Variants in ANK3 observed in about 807,000 individuals in gnomAD.
The protein encoded by ANK3 is ankyrin-3.
In ANK3, 57 loss-of-function variants were observed where a neutral mutation model predicts 370.9. The ratio of observed to expected loss-of-function variants is 0.15; its 90% CI spans 0.12 to 0.19. The LOEUF (loss-of-function observed/expected upper bound fraction) is 0.19. Among genes scored for constraint, ANK3 ranks in the 10% least tolerant of loss-of-function variants. The pLI is 1.00. For synonymous variants in ANK3, 1,929 were observed against 1,946.3 expected, an observed-to-expected ratio of 0.99 and a Z score of 0.23; for missense variants, 4,439 against 5,302.1, an observed-to-expected ratio of 0.84 and a Z score of 5.06.
At chr10:60,568,714 G>A (rs2077520122) in intron 2 of ANK3, among the ~76,000 whole-genome samples, 1 of 152,074 alleles carries the variant, frequency 6.6e-6, no homozygotes, top group South Asian at 2.1e-4. Flanking sequence ...TGCTGCTATG[G>A]ACAAAATTGT....
At chr10:60,670,334 C>T (rs1175197336) in intron 1 of ANK3, among the ~76,000 whole-genome samples, 1 of 152,070 alleles carries the variant, frequency 6.6e-6, no homozygotes, top group Non-Finnish European at 1.5e-5. Flanking sequence ...CCATAAATTG[C>T]ACCACCACCC....
intron 1 of ANK3, among the ~76,000 whole-genome samples, chr10:60,323,839 T>A (rs1361279217): frequency 6.6e-6 from 1 of 151,442 alleles, no homozygotes; most frequent in African/African-American, 2.4e-5. Context: ...GAGGGGGAGG[T>A]GGTCAAATGT....
rs139431826 is a variant in ANK3 at position 60,142,250 on chromosome 10, C to T, written c.2615-3163G>A. On this transcript the variant is annotated intron_variant, in intron 23 of 43. Transcript: ENST00000280772. ...AAACTCTTTAGACTTTGAGCCTTTACTAGGGTGTATTCTCTTGATGGAAAC... is the reference window on the plus strand; with the variant it reads ...AAACTCTTTAGACTTTGAGCCTTTATTAGGGTGTATTCTCTTGATGGAAAC... Among the ~76,000 whole-genome samples, 9 of 152,242 alleles carry T rather than the reference C, an allele frequency of 5.9e-5. No individual in the cohort carries two copies. In the East Asian group the frequency reaches 1.7e-3, roughly 29 times the overall value.
chr10:60,726,049 G>T (rs763542901), intron 1 of ANK3, among the ~76,000 whole-genome samples: 5 of 152,068 alleles, frequency 3.3e-5, no homozygotes, highest in African/African-American at 4.8e-5. Flanking sequence ...CTTGAATTTT[G>T]TAATTACTTC....
chr10:60,053,746 A>G, intron 42 of ANK3: 2 of 1,303,744 alleles, frequency 1.5e-6, no homozygotes, highest in Non-Finnish European at 2.0e-6. Context: ...TTAGGGGATA[A>G]AAAGGGGGCT....
chr10:60,088,433 C>CTT, intron 28 of ANK3, 75 bp from the exon 29 acceptor site: 1 of 1,324,660 alleles, frequency 7.5e-7, no homozygotes, highest in Admixed American at 2.0e-5. Flanking sequence ...AATGATATAT[C>CTT]TTTTTTTTTG....
At chr10:60,629,181 A>G (rs937001093) in intron 1 of ANK3, among the ~76,000 whole-genome samples, 1 of 152,152 alleles carries the variant, frequency 6.6e-6, no homozygotes, top group Non-Finnish European at 1.5e-5. Context: ...TAAGGAGACC[A>G]TTAAAACAAA....
chr10:60,316,117 G>A (rs530351902), intron 1 of ANK3, among the ~76,000 whole-genome samples: 2 of 152,236 alleles, frequency 1.3e-5, no homozygotes, highest in African/African-American at 2.4e-5. Flanking sequence ...GAGAGACAGG[G>A]AGGACTTGAG....
chr10:60,446,455 A>C (rs897936592), intron 2 of ANK3, among the ~76,000 whole-genome samples: 1 of 152,144 alleles, frequency 6.6e-6, no homozygotes, highest in Non-Finnish European at 1.5e-5. Flanking sequence ...TTATTCCTAC[A>C]GTCAGCATGA....
At chr10:60,299,964 T>C (rs973321712) in intron 1 of ANK3, among the ~76,000 whole-genome samples, 18 of 152,214 alleles carry the variant, frequency 1.2e-4, no homozygotes, top group South Asian at 2.1e-4. Context: ...GGATTTCTCT[T>C]GAAAAAAGTG....
At chr10:60,034,106 GTT>G (rs61678524) in intron 43 of ANK3, among the ~76,000 whole-genome samples, 2 of 115,884 alleles carry the variant, frequency 1.7e-5, no homozygotes, top group Non-Finnish European at 3.5e-5. Flanking sequence ...TTGTTTTTTG[GTT>G]TTTTTTTTTT....
chr10:60,271,155 C>A (rs2097974147), intron 4 of ANK3, among the ~76,000 whole-genome samples: 1 of 151,970 alleles, frequency 6.6e-6, no homozygotes, highest in African/African-American at 2.4e-5. Flanking sequence ...ATATAAGCAT[C>A]AAACAATTTT....
intron 2 of ANK3, among the ~76,000 whole-genome samples, chr10:60,570,773 T>A (rs2077575314): frequency 6.6e-6 from 1 of 152,036 alleles, no homozygotes; most frequent in South Asian, 2.1e-4. Context: ...CAATTGACTT[T>A]ATATTGTGCT....
chr10:60,656,989 T>A (rs1376301616), intron 1 of ANK3, among the ~76,000 whole-genome samples: 1 of 152,130 alleles, frequency 6.6e-6, no homozygotes, highest in African/African-American at 2.4e-5. Flanking sequence ...ATGCTACTGA[T>A]AAAGACATAC....
chr10:60,340,216 T>A (rs891465257), intron 1 of ANK3, among the ~76,000 whole-genome samples: 1 of 152,144 alleles, frequency 6.6e-6, no homozygotes, highest in African/African-American at 2.4e-5. Context: ...GTGAGTCTGA[T>A]GCATGCAGAT....
At chr10:60,053,979 T>C (rs185403439) in intron 42 of ANK3, among the ~76,000 whole-genome samples, 191 of 152,324 alleles carry the variant, frequency 1.3e-3, no homozygotes, top group Non-Finnish European at 2.4e-3. Context: ...CAAGAAATCC[T>C]GAAAATGTTT....
chr10:60,319,683 C>G (rs1300196186), intron 1 of ANK3, among the ~76,000 whole-genome samples: 1 of 152,176 alleles, frequency 6.6e-6, no homozygotes, highest in Non-Finnish European at 1.5e-5. Context: ...CCTCAACCCA[C>G]AGGTAACTGG....
intron 42 of ANK3, among the ~76,000 whole-genome samples, chr10:60,046,827 G>A (rs1450765763): frequency 1.1e-5 from 1 of 88,968 alleles, no homozygotes; most frequent in Non-Finnish European, 2.3e-5. Flanking sequence ...TTTTTTTTGA[G>A]ATGGAGTCTC....
At position 60,196,628 on chromosome 10, in the gene ANK3, G is replaced by GAAAA. The variant is rs34796699; in HGVS notation, c.1690-7_1690-4dup. On this transcript the variant is annotated splice_polypyrimidine_tract_variant and splice_region_variant and intron_variant, in intron 14 of 43. Transcript: ENST00000280772. ...ACATGAAGAGGAGTAAATCCTTTCT[G>GAAAA]AAAAAAAAAAAACATAAAAATAATG... 674 of 1,260,228 alleles carry GAAAA rather than the reference G, an allele frequency of 5.3e-4. No individual in the cohort carries two copies. The highest frequency in any genetic ancestry group is 5.2e-3 in the African/African-American group (327 of 63,166). 78.1% of individuals were successfully genotyped at this position (1,260,228 alleles called of 1,614,324 possible). A position where few individuals can be genotyped will look rare whatever the true frequency, so the allele number is the denominator to read the frequency against.
Sources: gnomAD v4.1 joint callset for allele counts (sites outside exome capture counted in the v4.1 genomes callset) on GRCh38, gnomAD v4.1.1 for gene constraint, MANE v1.5 for transcripts, NCBI Gene and HGNC (gene_info 2026-07-23, HGNC 2026-07-21) for gene names.